The following CLK3 variants were observed in gnomAD, a reference collection of about 807,000 sequenced individuals.
CLK3 encodes the protein dual specificity protein kinase CLK3.
CLK3 carries 24 observed loss-of-function variants against 65.2 expected under a neutral mutation model. The ratio of observed to expected loss-of-function variants is 0.37; its 90% CI spans 0.27 to 0.52. The LOEUF (loss-of-function observed/expected upper bound fraction) is 0.52, where lower values mean the gene tolerates loss of function less well. Among genes scored for constraint, CLK3 ranks in the 20% least tolerant of loss-of-function variants. The pLI is 0.92. For missense variants in CLK3, 506 were observed against 660.0 expected (o/e 0.77, Z 2.56); for synonymous variants, 252 against 240.8 (o/e 1.05, Z -0.43).
At chr15:74,615,691 C>A, upstream of CLK3, 1 of 1,238,990 alleles carries the variant, frequency 8.1e-7, no homozygotes, top group Non-Finnish European at 1.0e-6. Context: ...TAGGCCGCGG[C>A]GCCCGCCGGA....
In CLK3 at chr15:74,622,602, T is replaced by C; in HGVS notation, c.533+42T>C. 6.6e-7 allele frequency: 1 copy of C among 1,523,866 alleles called. No homozygotes were observed. Among genetic ancestry groups the C allele is most frequent in the South Asian group, 1.2e-5 (1 of 83,198 alleles). 94.4% of individuals were successfully genotyped at this position (1,523,866 alleles called of 1,614,324 possible). ...AGTACAGCTGGCTCCGGATGTGATC[T>C]TCCTGGGAAGAGCTGGCCTGAGGTT... On this transcript the variant is annotated intron_variant, in intron 5 of 12. Transcript: ENST00000395066. The surrounding 1 kb of genome is among the most constrained non-coding windows in gnomAD (Gnocchi z 4.6).
At chr15:74,619,047 A>C in intron 1 of CLK3, 150 bp from the exon 2 acceptor site, 1 of 824,886 alleles carries the variant, frequency 1.2e-6, no homozygotes, top group Non-Finnish European at 2.0e-6. Context: ...GTGACCTCAG[A>C]GTTCTTCTTC....
In CLK3 at chr15:74,625,856, C is replaced by T; in HGVS notation, c.705C>T (p.Ala235=). 1.2e-6 allele frequency: 2 copies of T among 1,614,142 alleles called. No individual in the cohort carries two copies. The highest frequency in any genetic ancestry group is 1.7e-6 in the Non-Finnish European group (2 of 1,180,022). Residue 235 remains alanine, a synonymous_variant, in exon 7 of 13, where the codon GCC becomes GCT. Transcript: ENST00000395066. The part of the protein sequence containing the change: ...WFNFHGHMCI[A]FELLGKNTFE... ...ACTTCCACGGTCACATGTGCATCGC[C>T]TTTGAGCTCCTGGGCAAGAACACCT...
In CLK3 at chr15:74,617,759, A is replaced by G. The variant is rs147011495; in HGVS notation, c.1-1438A>G. Among the ~76,000 whole-genome samples, 256 of 152,342 alleles carry G rather than the reference A, an allele frequency of 1.7e-3. 1 individual carries two copies. Among genetic ancestry groups the G allele is most frequent in the African/African-American group, 5.4e-3 (224 of 41,574 alleles). On this transcript the variant is annotated intron_variant, in intron 1 of 12. Transcript: ENST00000395066. ...TGTGGCACGACATGTGCCCTGGCCA[A>G]TAGAGCATCTTCTGGGTCAATTAGT...
rs2062176699 is a variant in CLK3, at chr15:74,629,608, C to T, written c.1297-99C>T. 8 of 990,232 alleles carry T rather than the reference C, an allele frequency of 8.1e-6. No individual in the cohort carries two copies. The South Asian group carries it at 1.1e-4, about 13-fold the overall frequency. The allele number at this position is 990,232 out of a possible 1,614,324, so 61.3% of individuals were successfully genotyped here. ...GTCCTCCAAGGAGGCATCACTGCCTCCTCGATCCAGTCCAGCAAGGCGTCC... is the reference window on the plus strand; with the variant it reads ...GTCCTCCAAGGAGGCATCACTGCCTTCTCGATCCAGTCCAGCAAGGCGTCC... On this transcript the variant is annotated intron_variant, in intron 12 of 12. Coordinates refer to ENST00000395066, the MANE Select transcript of CLK3 (RefSeq NM_001130028.2).
In CLK3 at chr15:74,629,903, G is replaced by T; in HGVS notation, c.*20G>T. The T allele has an allele frequency of 2.5e-6, 4 of 1,594,644 alleles. No individual in the cohort carries two copies. The highest frequency in any genetic ancestry group is 3.4e-6 in the Non-Finnish European group (4 of 1,170,658). ...AGATGACAGGCACAGGCCACCGCAT[G>T]AGGAGATGGAGGGCGGGACTGGGCC... On this transcript the variant is annotated 3_prime_UTR_variant, in exon 13 of 13. Transcript: ENST00000395066.
chr15:74,628,304 C>T (rs2062159998), intron 10 of CLK3, among the ~76,000 whole-genome samples: 1 of 144,614 alleles, frequency 6.9e-6, no homozygotes, highest in Non-Finnish European at 1.5e-5. Context: ...GTGACCTGAC[C>T]TTCTAGATAA....
Position 74,615,848 on chromosome 15 carries a change from G to C in CLK3, c.-51G>C, listed in dbSNP as rs775424176. The C allele has an allele frequency of 6.4e-6, 8 of 1,253,810 alleles. No individual in the cohort carries two copies. Among genetic ancestry groups the C allele is most frequent in the Non-Finnish European group, 8.0e-6 (8 of 998,982 alleles). 77.7% of individuals were successfully genotyped at this position (1,253,810 alleles called of 1,614,324 possible). On this transcript the variant is annotated 5_prime_UTR_variant, in exon 1 of 13. Transcript: ENST00000395066. Reference sequence around the variant, plus strand: ...GGAGGTCGCAGCCGGAAGCGGAAGAGGCGCTCGGAGCGGGGAGTGGGGCCT... The same window carrying C: ...GGAGGTCGCAGCCGGAAGCGGAAGACGCGCTCGGAGCGGGGAGTGGGGCCT...
rs777008752 is a variant in CLK3, at chr15:74,619,169, G to C, written c.1-28G>C. On this transcript the variant is annotated intron_variant, in intron 1 of 12. Transcript: ENST00000395066. ...CTGGAGGTGGCTGGCTGTGTGTTTA[G>C]CAGGGCTCTCTGTTCCTCGTGGCCT... 26 of 1,611,808 alleles carry C rather than the reference G, an allele frequency of 1.6e-5. No homozygotes were observed. The Admixed American group carries it at 2.2e-4, about 13-fold the overall frequency.
intron 7 of CLK3, among the ~76,000 whole-genome samples, chr15:74,626,581 C>T (rs2062144986): frequency 6.6e-6 from 1 of 152,250 alleles, no homozygotes; most frequent in Admixed American, 6.5e-5. Context: ...GATGAGAAGA[C>T]AGGTGTCTTC....
At chr15:74,611,876 C>T (rs2061993969), upstream of CLK3, among the ~76,000 whole-genome samples, 1 of 152,230 alleles carries the variant, frequency 6.6e-6, no homozygotes, top group African/African-American at 2.4e-5. Flanking sequence ...TTCTCAGACT[C>T]AGAATTGAGG....
Position 74,628,672 on chromosome 15 carries a change from C to G in CLK3, c.1194C>G (p.Ile398Met). 3.7e-6 allele frequency: 6 copies of G among 1,612,472 alleles called. No individual in the cohort carries two copies. Among genetic ancestry groups the G allele is most frequent in the Non-Finnish European group, 5.1e-6 (6 of 1,179,218 alleles). The change falls in exon 11 of 13, where the codon ATC becomes ATG. Residue 398 changes from isoleucine (I) to methionine (M), a missense_variant. This residue lies in a region of CLK3 where 325 missense variants were observed against 500.5 expected (regional missense o/e 0.65). Transcript: ENST00000395066. ...TAGGGCCCATCCCATCACACATGAT[C>G]CACCGTACCAGGTAAGGACCCCAGT... The part of the protein sequence containing the change: ...KILGPIPSHM[I>M]HRTRKQKYFY...
In CLK3 at chr15:74,627,228, C is replaced by A. The variant is rs1181054097; in HGVS notation, c.818-124C>A. 2 of 787,260 alleles carry A rather than the reference C, an allele frequency of 2.5e-6. No individual in the cohort carries two copies. The highest frequency in any genetic ancestry group is 4.5e-6 in the Non-Finnish European group (2 of 441,994). 48.8% of individuals were successfully genotyped at this position (787,260 alleles called of 1,614,324 possible). ...ACAGAGGCAGGCTGTAGTCCAGCTCCCTGCTGAGGTGGGGGTGTGAGGACC... is the reference window on the plus strand; with the variant it reads ...ACAGAGGCAGGCTGTAGTCCAGCTCACTGCTGAGGTGGGGGTGTGAGGACC... On this transcript the variant is annotated intron_variant, in intron 7 of 12. Transcript: ENST00000395066. This position sits in a 1 kb window ranked among gnomAD's most constrained non-coding sequence, Gnocchi z 4.3.
rs962691041 is a variant in CLK3, at chr15:74,629,026, T to C, written c.1290T>C (p.Pro430=). 5.0e-6 allele frequency: 8 copies of C among 1,611,980 alleles called. No homozygotes were observed. The African/African-American group carries it at 1.1e-4, about 22-fold the overall frequency. Residue 430 remains proline, a synonymous_variant, in exon 12 of 13, where the codon CCT becomes CCC. Coordinates refer to ENST00000395066, the MANE Select transcript of CLK3 (RefSeq NM_001130028.2). Reference sequence around the variant, plus strand: ...GGTATGTGAAGGAGAACTGCAAACCTCTGAAGGTCAGTTTCTGGCTACCCC... The same window carrying C: ...GGTATGTGAAGGAGAACTGCAAACCCCTGAAGGTCAGTTTCTGGCTACCCC... ...DGRYVKENCK[P]LKSYMLQDSL...
In CLK3 at chr15:74,621,598, G is replaced by C. The variant is rs1391411593; in HGVS notation, c.370-522G>C. ...AACAGAGGCAGGCAAGGACAGGCTG[G>C]GCATTCTGCAGCTGAAGCCGGAGCA... On this transcript the variant is annotated intron_variant, in intron 3 of 12. Coordinates refer to ENST00000395066, the MANE Select transcript of CLK3 (RefSeq NM_001130028.2). This position sits in a 1 kb window ranked among gnomAD's most constrained non-coding sequence, Gnocchi z 4.8. 4.3e-6 allele frequency: 1 copy of C among 230,886 alleles called. No individual in the cohort carries two copies. The allele number at this position is 230,886 out of a possible 1,614,324, so 14.3% of individuals were successfully genotyped here. A position where few individuals can be genotyped will look rare whatever the true frequency, so the allele number is the denominator to read the frequency against.
chr15:74,615,708 A>T (rs538032112), upstream of CLK3: 11 of 1,238,120 alleles, frequency 8.9e-6, no homozygotes, highest in Non-Finnish European at 1.1e-5. Context: ...CGGAGCGGAG[A>T]GGGCTGGTGC....
chr15:74,628,096 T>C lies in CLK3; in HGVS notation c.1125+44T>C, dbSNP rs763527328. 6.6e-6 allele frequency: 9 copies of C among 1,354,014 alleles called. No homozygotes were observed. The South Asian group carries it at 1.0e-4, about 16-fold the overall frequency. The allele number at this position is 1,354,014 out of a possible 1,614,324, so 83.9% of individuals were successfully genotyped here. The stretch of plus-strand genomic sequence containing the variant: ...GGTCCCCTACCCTGAGTACTGCTAC[T>C]GTGATAGGCTGCAGGCCACTGGGGT... On this transcript the variant is annotated intron_variant, in intron 10 of 12. Transcript: ENST00000395066.
rs371659907 is a variant in CLK3 at position 74,620,046 on chromosome 15, C to T, written c.190C>T (p.Arg64Cys). ...GCCCTACCAGAGGAGGTACCGGGAG[C>T]GCCGTGACAGCGATACATACCGGTG... ...RLPYQRRYRE[R>C]RDSDTYRCEE... The change falls in exon 3 of 13, where the codon CGC becomes TGC. Residue 64 changes from arginine (R) to cysteine (C), a missense_variant. Physicochemically the swap from Arg to Cys is radical, Grantham distance 180. Coordinates refer to ENST00000395066, the MANE Select transcript of CLK3 (RefSeq NM_001130028.2). 48 of 1,614,060 alleles carry T rather than the reference C, an allele frequency of 3.0e-5. No homozygotes were observed. Among genetic ancestry groups the T allele is most frequent in the South Asian group, 2.2e-4 (20 of 91,094 alleles).
chr15:74,615,397 C>T, upstream of CLK3: 1 of 1,238,204 alleles, frequency 8.1e-7, no homozygotes, highest in Non-Finnish European at 1.0e-6. Flanking sequence ...GTCCGCCTTC[C>T]CGAGCTCCGG....
Sources: allele counts gnomAD v4.1 joint callset (sites outside exome capture counted in the v4.1 genomes callset), GRCh38; gene constraint gnomAD v4.1.1; regional missense constraint gnomAD v4.1.1; non-coding constraint Gnocchi (gnomAD v3.1); transcripts MANE v1.5; gene names NCBI Gene and HGNC (gene_info 2026-07-23, HGNC 2026-07-21).